The following CASKIN2 variants were observed in gnomAD, a reference collection of about 807,000 sequenced individuals.
The protein encoded by CASKIN2 is CASK interacting protein 2, also known as caskin-2.
A neutral mutation model predicts 107.1 loss-of-function variants in CASKIN2; 41 were observed. The ratio of observed to expected loss-of-function variants is 0.38; its 90% CI spans 0.30 to 0.50. The LOEUF (loss-of-function observed/expected upper bound fraction) is 0.50, where lower values mean the gene tolerates loss of function less well. Among genes scored for constraint, CASKIN2 ranks in the 20% least tolerant of loss-of-function variants. The pLI is 0.92. For missense variants in CASKIN2, 1,546 were observed against 1,657.4 expected, an observed-to-expected ratio of 0.93 and a Z score of 1.17; for synonymous variants, 724 against 705.6, an observed-to-expected ratio of 1.03 and a Z score of -0.41.
At chr17:75,509,775 G>A (rs925460692) in intron 2 of CASKIN2, 26 of 985,448 alleles carry the variant, frequency 2.6e-5, no homozygotes, top group African/African-American at 3.5e-5. Context: ...GAGACACAGA[G>A]CACCCTTCAA....
At position 75,506,010 on chromosome 17, in the gene CASKIN2, G is replaced by C; in HGVS notation, c.727-81C>G. The C allele has an allele frequency of 8.1e-7, 1 of 1,232,112 alleles. No individual in the cohort carries two copies. The highest frequency in any genetic ancestry group is 2.0e-5 in the Admixed American group (1 of 49,712). 76.3% of individuals were successfully genotyped at this position (1,232,112 alleles called of 1,614,324 possible). A position where few individuals can be genotyped will look rare whatever the true frequency, so the allele number is the denominator to read the frequency against. On this transcript the variant is annotated intron_variant, in intron 8 of 19. Transcript: ENST00000321617. The surrounding 1 kb of genome is among the most constrained non-coding windows in gnomAD (Gnocchi z 4.8). ...ATTCTCTCAGCTACCCGGGACATAG[G>C]TACTATTACCATTTTCCGATTTTAC... is the stretch of plus-strand genomic sequence containing the variant.
rs751939648 is a variant in CASKIN2 at position 75,502,079 on chromosome 17, T to C, written c.2995A>G (p.Arg999Gly). The change falls in exon 18 of 20, where the codon AGA becomes GGA. Residue 999 changes from arginine to glycine, a missense_variant. Around this residue, in one of 6 missense-constraint regions of CASKIN2, gnomAD observed 1,311 missense variants for 1,311.0 expected, o/e 1.00. Coordinates refer to ENST00000321617, the MANE Select transcript of CASKIN2 (RefSeq NM_020753.5). The surrounding 1 kb of genome is among the most constrained non-coding windows in gnomAD (Gnocchi z 4.3). ...TVKRRPKCRE[R>G]EPLQTALLAF... The stretch of plus-strand genomic sequence containing the variant: ...AGCAGTGCGGTCTGCAGTGGCTCTC[T>C]CTCCCGGCACTTGGGCCTCCGCTTA... 1 of 1,611,118 alleles carries C rather than the reference T, an allele frequency of 6.2e-7. No individual in the cohort carries two copies. Among genetic ancestry groups the C allele is most frequent in the South Asian group, 1.1e-5 (1 of 91,074 alleles).
chr17:75,501,953 G>A lies in CASKIN2; in HGVS notation c.3121C>T (p.Pro1041Ser). 3 of 1,605,880 alleles carry A rather than the reference G, an allele frequency of 1.9e-6. No homozygotes were observed. The highest frequency in any genetic ancestry group is 2.6e-6 in the Non-Finnish European group (3 of 1,175,470). The change falls in exon 18 of 20, where the codon CCC becomes TCC. Residue 1041 changes from proline to serine, a missense_variant. Around this residue, in one of 6 missense-constraint regions of CASKIN2, gnomAD observed 1,311 missense variants for 1,311.0 expected, o/e 1.00. Coordinates refer to ENST00000321617, the MANE Select transcript of CASKIN2 (RefSeq NM_020753.5). ...ACTCCTTGGGCTGGAAGGCTGCTGG[G>A]CTCGGGCTGGGGAAGGCTAGAAGCT... ...PPASSLPQPE[P>S]SSLPAQGVPT...
At position 75,506,323 on chromosome 17, in the gene CASKIN2, C is replaced by T. The variant is rs1356508037; in HGVS notation, c.708G>A (p.Val236=). The T allele has an allele frequency of 1.2e-6, 2 of 1,611,732 alleles. No individual in the cohort carries two copies. The highest frequency in any genetic ancestry group is 4.5e-5 in the East Asian group (2 of 44,862). Residue 236 remains valine, a synonymous_variant, in exon 8 of 20, where the codon GTG becomes GTA. Transcript: ENST00000321617. The surrounding 1 kb of genome is among the most constrained non-coding windows in gnomAD (Gnocchi z 4.8). ...TACCCACCTCCAGAAGCAGCCGCAC[C>T]ACCTCGGTCTTGCCATACAGTGCGG... ...HEAALYGKTE[V]VRLLLEGGVD...
intron 2 of CASKIN2, 28 bp downstream of exon 2, chr17:75,513,683 C>T (rs369739755): frequency 9.4e-6 from 15 of 1,601,612 alleles, no homozygotes; most frequent in Admixed American, 6.7e-5. Flanking sequence ...TCGGCCTCAG[C>T]GGGATGCTCG....
In CASKIN2 at chr17:75,504,878, C is replaced by T. The variant is rs370315404; in HGVS notation, c.1126G>A (p.Glu376Lys). 1.2e-5 allele frequency: 19 copies of T among 1,553,994 alleles called. No individual in the cohort carries two copies. Among genetic ancestry groups the T allele is most frequent in the South Asian group, 1.1e-4 (10 of 90,014 alleles). ...TAGGTAAGAGGGTGCGGGGGTTCTT[C>T]GGCAGGAGGCTGCGGTGTCCGGGAG... ...GFSRTPQPPA[E>K]EPPHPLTYSQ... The change falls in exon 11 of 20, where the codon GAA becomes AAA. Residue 376 changes from glutamate (E) to lysine (K), a missense_variant. By Grantham distance (56) the Glu-to-Lys change is moderately conservative. Around this residue, in one of 6 missense-constraint regions of CASKIN2, gnomAD observed 1,311 missense variants for 1,311.0 expected, o/e 1.00. Transcript: ENST00000321617.
intron 19 of CASKIN2, 128 bp from the exon 20 acceptor site, chr17:75,501,298 T>A: frequency 3.4e-6 from 4 of 1,186,522 alleles, no homozygotes; most frequent in Non-Finnish European, 3.5e-6. Flanking sequence ...CTGTGCCTCT[T>A]AAATGGTAGC....
chr17:75,507,143 AG>A lies in CASKIN2; in HGVS notation c.245-15del, dbSNP rs1213691396. 2.5e-6 allele frequency: 4 copies of A among 1,600,766 alleles called. No individual in the cohort carries two copies. The highest frequency in any genetic ancestry group is 3.4e-6 in the Non-Finnish European group (4 of 1,176,718). On this transcript the variant is annotated splice_polypyrimidine_tract_variant and intron_variant, in intron 4 of 19. Transcript: ENST00000321617. The stretch of plus-strand genomic sequence containing the variant: ...GCGGGCGCATGCCTGGCAGGAGGAA[AG>A]GGTTTCTGAGGGAGGTCCTGGGACG...
In CASKIN2 at chr17:75,503,054, G is replaced by T; in HGVS notation, c.2020C>A (p.Pro674Thr). 6.2e-7 allele frequency: 1 copy of T among 1,607,032 alleles called. No individual in the cohort carries two copies. Among genetic ancestry groups the T allele is most frequent in the Non-Finnish European group, 8.5e-7 (1 of 1,178,736 alleles). Reference sequence around the variant, plus strand: ...CCTGCCATGGCCGCCTGTAGCTCTGGGCTTAGTTCGCTGCCCTGGAAGGTG... The same window carrying T: ...CCTGCCATGGCCGCCTGTAGCTCTGTGCTTAGTTCGCTGCCCTGGAAGGTG... ...LLTFQGSELS[P>T]ELQAAMAGGG... The change falls in exon 18 of 20, where the codon CCA becomes ACA. Residue 674 changes from proline (P) to threonine (T), a missense_variant. Around this residue, in one of 6 missense-constraint regions of CASKIN2, gnomAD observed 1,311 missense variants for 1,311.0 expected, o/e 1.00. Coordinates refer to ENST00000321617, the MANE Select transcript of CASKIN2 (RefSeq NM_020753.5).
Position 75,501,830 on chromosome 17 carries a change from C to T in CASKIN2, c.3244G>A (p.Glu1082Lys). 6.4e-7 allele frequency: 1 copy of T among 1,555,988 alleles called. No individual in the cohort carries two copies. Among genetic ancestry groups the T allele is most frequent in the Non-Finnish European group, 8.7e-7 (1 of 1,153,210 alleles). Reference protein sequence around the residue: ...ESSAASRWNGETEPPAAPAAL... With the variant: ...ESSAASRWNGKTEPPAAPAAL... ...GCAGGGGCGGCCGGGGGTTCTGTCT[C>T]CCCATTCCACCGACTAGCTGCTGAG... The change falls in exon 18 of 20, where the codon GAG becomes AAG. Residue 1082 changes from glutamate to lysine, a missense_variant. Coordinates refer to ENST00000321617, the MANE Select transcript of CASKIN2 (RefSeq NM_020753.5).
chr17:75,509,847 C>T (rs2053302081), intron 2 of CASKIN2: 1 of 985,712 alleles, frequency 1.0e-6, no homozygotes, highest in South Asian at 4.7e-5. Flanking sequence ...GATGAGGCAG[C>T]TGGGTGGCGG....
chr17:75,501,416 G>A, intron 19 of CASKIN2, 52 bp downstream of exon 19: 1 of 1,547,528 alleles, frequency 6.5e-7, no homozygotes, highest in Non-Finnish European at 8.9e-7. Context: ...GAGGATGCAG[G>A]GAGCACTGTT....
Position 75,502,925 on chromosome 17 carries a change from G to C in CASKIN2, c.2149C>G (p.Pro717Ala), listed in dbSNP as rs760006739. The change falls in exon 18 of 20, where the codon CCA (proline) becomes GCA (alanine). Residue 717 changes from proline to alanine, a missense_variant. By Grantham distance (27) the Pro-to-Ala change is conservative (BLOSUM62 -1). Transcript: ENST00000321617. This position sits in a 1 kb window ranked among gnomAD's most constrained non-coding sequence, Gnocchi z 4.3. Reference protein sequence around the residue: ...GSGHSQEQPAPQPSGGDPSPP... With the variant: ...GSGHSQEQPAAQPSGGDPSPP... ...CTGGGATCTCCACCGCTGGGCTGTG[G>C]GGCAGGCTGTTCCTGTGAGTGGCCA... 6.4e-7 allele frequency: 1 copy of C among 1,565,238 alleles called. No individual in the cohort carries two copies. Among genetic ancestry groups the C allele is most frequent in the African/African-American group, 1.4e-5 (1 of 73,848 alleles).
rs746662060 is a variant in CASKIN2, at chr17:75,505,095, G to A, written c.931-22C>T. On this transcript the variant is annotated intron_variant, in intron 10 of 19. Transcript: ENST00000321617. This position sits in a 1 kb window ranked among gnomAD's most constrained non-coding sequence, Gnocchi z 5.1. ...GCACCTGCGGCCAGGGGTGGGGGGC[G>A]GGGACGGTCACTCCCAGCACCAGGC... The A allele has an allele frequency of 9.7e-6, 15 of 1,545,504 alleles. No individual in the cohort carries two copies. The highest frequency in any genetic ancestry group is 3.4e-5 in the South Asian group (3 of 89,406).
intron 18 of CASKIN2, 36 bp from the exon 19 acceptor site, chr17:75,501,726 G>A: frequency 6.5e-7 from 1 of 1,535,672 alleles, no homozygotes; most frequent in Non-Finnish European, 8.8e-7. Flanking sequence ...GGACTTGGCT[G>A]GGTCAGACAC....
intron 1 of CASKIN2, among the ~76,000 whole-genome samples, chr17:75,514,854 C>G (rs926712298): frequency 1.3e-5 from 2 of 152,146 alleles, no homozygotes; most frequent in Non-Finnish European, 2.9e-5. Context: ...GGGCAGAGAA[C>G]AGAGAGAGCT....
chr17:75,501,193 GTCAGA>G, intron 19 of CASKIN2, 23 bp from the exon 20 acceptor site: 1 of 1,559,488 alleles, frequency 6.4e-7, no homozygotes, highest in Non-Finnish European at 8.7e-7. Context: ...GAAGGATGCG[GTCAGA>G]TCAGCCAGTG....
In CASKIN2 at chr17:75,500,955, C is replaced by G. The variant is rs935703685; in HGVS notation, c.*125G>C. ...CAGCCGCGGGCTGAGTGGGAAGGGG[C>G]CCTGCTAGGAGGGGCACTTCAGCCT... is the stretch of plus-strand genomic sequence containing the variant. On this transcript the variant is annotated 3_prime_UTR_variant, in exon 20 of 20. Transcript: ENST00000321617. 1 of 891,344 alleles carries G rather than the reference C, an allele frequency of 1.1e-6. No individual in the cohort carries two copies. The highest frequency in any genetic ancestry group is 1.7e-6 in the Non-Finnish European group (1 of 574,486). The allele number at this position is 891,344 out of a possible 1,614,324, so 55.2% of individuals were successfully genotyped here.
chr17:75,508,232 A>T lies in CASKIN2; in HGVS notation c.146+2T>A. ...TGCAGAGGGACAGGGGCTCCCACTC[A>T]CCCATCAGCATCCTGGTAGTTCACG... On this transcript the variant is annotated splice_donor_variant, in intron 3 of 19. Coordinates refer to ENST00000321617, the MANE Select transcript of CASKIN2 (RefSeq NM_020753.5). LOFTEE classifies it high-confidence loss of function. 1.2e-6 allele frequency: 2 copies of T among 1,613,424 alleles called. No individual in the cohort carries two copies. The highest frequency in any genetic ancestry group is 1.7e-6 in the Non-Finnish European group (2 of 1,179,750).
Sources: allele counts gnomAD v4.1 joint callset (sites outside exome capture counted in the v4.1 genomes callset), GRCh38; gene constraint gnomAD v4.1.1; regional missense constraint gnomAD v4.1.1; non-coding constraint Gnocchi (gnomAD v3.1); transcripts MANE v1.5; gene names NCBI Gene and HGNC (gene_info 2026-07-23, HGNC 2026-07-21).